BAALC: variants seen among roughly 807,000 people sequenced by gnomAD.
The protein encoded by BAALC is brain and acute leukemia cytoplasmic protein.
BAALC carries 9 observed loss-of-function variants against 15.5 expected under a neutral mutation model. That is an observed-to-expected ratio of 0.58 (90% CI 0.35 to 1.02). The LOEUF is 1.02. Among genes scored for constraint, BAALC ranks in the 50% least tolerant of loss-of-function variants. The pLI is 0.02. For missense variants in BAALC, 201 were observed against 192.4 expected, an observed-to-expected ratio of 1.04 and a Z score of -0.27; for synonymous variants, 80 against 74.6, an observed-to-expected ratio of 1.07 and a Z score of -0.37.
rs568556624 is a variant in BAALC at position 103,230,194 on chromosome 8, T to C, written c.*2095T>C. The C allele has an allele frequency of 6.8e-6, 1 of 146,056 alleles. No individual in the cohort carries two copies. Among genetic ancestry groups the C allele is most frequent in the East Asian group, 2.1e-4 (1 of 4,666 alleles). The allele number at this position is 146,056 out of a possible 1,614,324, so 9.0% of individuals were successfully genotyped here. Reference sequence around the variant, plus strand: ...GTTAAACCATGTGACTAAAAATGCATCTGGCTACTTTTTCATGTATGTATG... The same window carrying C: ...GTTAAACCATGTGACTAAAAATGCACCTGGCTACTTTTTCATGTATGTATG... On this transcript the variant is annotated 3_prime_UTR_variant, in exon 3 of 3. Transcript: ENST00000309982.
chr8:103,172,802 A>G (rs1226893327), intron 1 of BAALC, among the ~76,000 whole-genome samples: 1 of 152,112 alleles, frequency 6.6e-6, no homozygotes, highest in African/African-American at 2.4e-5. Flanking sequence ...GGATTAAATG[A>G]CCCTGGGGAT....
chr8:103,140,830 C>T lies in BAALC; in HGVS notation c.-68C>T. On this transcript the variant is annotated 5_prime_UTR_variant, in exon 1 of 3. Transcript: ENST00000309982. The surrounding 1 kb of genome is among the most constrained non-coding windows in gnomAD (Gnocchi z 4.2). ...GCCTCCTTGCGGGCCGGGGCTGCGC[C>T]TCCGGGGCTGAGCCGCCGCCAGAGC... 3 of 1,344,302 alleles carry T rather than the reference C, an allele frequency of 2.2e-6. No individual in the cohort carries two copies. The South Asian group carries it at 5.6e-5, about 25-fold the overall frequency. The allele number at this position is 1,344,302 out of a possible 1,614,324, so 83.3% of individuals were successfully genotyped here.
chr8:103,200,712 A>G (rs1414824340), intron 1 of BAALC: 1 of 700,748 alleles, frequency 1.4e-6, no homozygotes, highest in East Asian at 2.7e-5. Flanking sequence ...GTGTCTGATG[A>G]AGGCTTGTTC....
chr8:103,169,548 A>G (rs1478386078), intron 1 of BAALC, among the ~76,000 whole-genome samples: 1 of 152,134 alleles, frequency 6.6e-6, no homozygotes, highest in African/African-American at 2.4e-5. Context: ...TTCACTATAG[A>G]GTATCTGGCT....
At chr8:103,162,863 T>C (rs959526179) in intron 1 of BAALC, among the ~76,000 whole-genome samples, 3 of 152,150 alleles carry the variant, frequency 2.0e-5, no homozygotes, top group African/African-American at 7.2e-5. Flanking sequence ...CAAAGGACGT[T>C]ACAACTGTAG....
At chr8:103,208,190 G>A (rs1431481375) in intron 1 of BAALC, 1 of 152,268 alleles carries the variant, frequency 6.6e-6, no homozygotes, top group African/African-American at 2.4e-5. Context: ...CCAATAATCA[G>A]TGCAATATGT....
intron 1 of BAALC, among the ~76,000 whole-genome samples, chr8:103,175,018 C>G (rs1268688096): frequency 6.7e-6 from 1 of 149,102 alleles, no homozygotes; most frequent in Non-Finnish European, 1.5e-5. Flanking sequence ...CAGTTGATCT[C>G]CACCCAGGAT....
At chr8:103,177,701 G>T (rs987906846) in intron 1 of BAALC, among the ~76,000 whole-genome samples, 4 of 152,188 alleles carry the variant, frequency 2.6e-5, no homozygotes, top group African/African-American at 9.6e-5. Flanking sequence ...ACTAGGCTGA[G>T]ACCTTGGGAA....
chr8:103,200,369 C>A (rs1233875179), intron 1 of BAALC, among the ~76,000 whole-genome samples: 4 of 152,080 alleles, frequency 2.6e-5, no homozygotes, highest in Non-Finnish European at 4.4e-5. Flanking sequence ...AAAGGAATAT[C>A]ATCTAATTTC....
rs373558160 is a variant in BAALC at position 103,228,094 on chromosome 8, A to C, written c.433A>C (p.Asn145His). ...RSRRITKNCV[N>H] ...TCGAAGAATCACAAAGAACTGTGTC[A>C]ACTAGCAGAGAGTCCAAGCAGAAGG... Residue 145 changes from asparagine to histidine, a missense_variant, in exon 3 of 3, where the codon AAC (asparagine) becomes CAC (histidine). By Grantham distance (68) the Asn-to-His change is moderately conservative (BLOSUM62 1). Transcript: ENST00000309982. 63 of 1,605,426 alleles carry C rather than the reference A, an allele frequency of 3.9e-5. No homozygotes were observed. The highest frequency in any genetic ancestry group is 5.4e-5 in the Non-Finnish European group (63 of 1,172,618).
intron 1 of BAALC, among the ~76,000 whole-genome samples, chr8:103,154,190 G>A (rs997921156): frequency 1.3e-5 from 2 of 152,134 alleles, no homozygotes; most frequent in African/African-American, 4.8e-5. Context: ...GCCGGGCTTT[G>A]CAGATTTATT....
At chr8:103,177,861 G>C (rs1042354812) in intron 1 of BAALC, among the ~76,000 whole-genome samples, 4 of 152,190 alleles carry the variant, frequency 2.6e-5, no homozygotes, top group Non-Finnish European at 4.4e-5. Context: ...TATTCTAAGA[G>C]CTTTGTGTAT....
chr8:103,172,973 TTAATC>T (rs1347899695), intron 1 of BAALC, among the ~76,000 whole-genome samples: 15 of 152,176 alleles, frequency 9.9e-5, no homozygotes, highest in African/African-American at 3.6e-4. Flanking sequence ...AATAATAGCA[TTAATC>T]TAATATAACA....
At position 103,228,044 on chromosome 8, in the gene BAALC, A is replaced by C; in HGVS notation, c.383A>C (p.Asp128Ala). ...AAAGAAGTCACCATTAATGTAACAGATAGCATCCAACAGATGGACAGAAGT... is the reference window on the plus strand; with the variant it reads ...AAAGAAGTCACCATTAATGTAACAGCTAGCATCCAACAGATGGACAGAAGT... ...PAKEVTINVTDSIQQMDRSRR... is the reference protein window; with the variant it reads ...PAKEVTINVTASIQQMDRSRR... Residue 128 changes from aspartate (D) to alanine (A), a missense_variant, in exon 3 of 3, where the codon GAT becomes GCT. Asp to Ala is a moderately radical substitution (Grantham distance 126). Transcript: ENST00000309982. The C allele has an allele frequency of 6.2e-7, 1 of 1,613,920 alleles. No individual in the cohort carries two copies. Among genetic ancestry groups the C allele is most frequent in the Non-Finnish European group, 8.5e-7 (1 of 1,179,886 alleles).
chr8:103,200,803 C>G (rs77919339), intron 1 of BAALC: 2 of 653,618 alleles, frequency 3.1e-6, no homozygotes, highest in African/African-American at 3.5e-5. Context: ...TATAAGGGCA[C>G]CAATATCGTT....
chr8:103,174,326 G>A (rs1447697119), intron 1 of BAALC, among the ~76,000 whole-genome samples: 2 of 151,864 alleles, frequency 1.3e-5, no homozygotes, highest in African/African-American at 2.4e-5. Flanking sequence ...TGTTTTCTGG[G>A]AAGCAACTGT....
intron 1 of BAALC, among the ~76,000 whole-genome samples, chr8:103,206,817 A>G (rs1216129180): frequency 6.6e-6 from 1 of 152,184 alleles, no homozygotes; most frequent in Non-Finnish European, 1.5e-5. Flanking sequence ...GGAGCTGAGC[A>G]AAGATGTGGT....
intron 1 of BAALC, chr8:103,200,578 G>A: frequency 2.0e-6 from 1 of 495,486 alleles, no homozygotes; most frequent in Non-Finnish European, 3.7e-6. Flanking sequence ...AGACAACAGG[G>A]ACTGTCTTCC....
In BAALC at chr8:103,229,243, A is replaced by G. The variant is rs1294826599; in HGVS notation, c.*1144A>G. The G allele has an allele frequency of 6.6e-6, 1 of 152,218 alleles. No individual in the cohort carries two copies. The highest frequency in any genetic ancestry group is 1.9e-4 in the East Asian group (1 of 5,200). The allele number at this position is 152,218 out of a possible 1,614,324, so 9.4% of individuals were successfully genotyped here. A position where few individuals can be genotyped will look rare whatever the true frequency, so the allele number is the denominator to read the frequency against. On this transcript the variant is annotated 3_prime_UTR_variant, in exon 3 of 3. Coordinates refer to ENST00000309982, the MANE Select transcript of BAALC (RefSeq NM_024812.3). ...TGTTCATCTGGAAGTATTTTCCTCC[A>G]AAGTAATGTAGCATGATTTTTCAAG...
Sources: allele counts gnomAD v4.1 joint callset (sites outside exome capture counted in the v4.1 genomes callset), GRCh38; gene constraint gnomAD v4.1.1; non-coding constraint Gnocchi (gnomAD v3.1); transcripts MANE v1.5; gene names NCBI Gene and HGNC (gene_info 2026-07-23, HGNC 2026-07-21).